CCDC3: variants seen among roughly 807,000 people sequenced by gnomAD.
The protein encoded by CCDC3 is coiled-coil domain containing 3.
Under a neutral mutation model 21.4 loss-of-function variants are expected in CCDC3, and 24 were observed. The observed-to-expected ratio is 1.12, with a 90% CI of 0.81 to 1.58. CCDC3 has a LOEUF of 1.58. CCDC3 is among the 40% of genes most tolerant of loss of function. The pLI is 0.00. For missense variants in CCDC3, 425 were observed against 360.9 expected (o/e 1.18, Z -1.44); for synonymous variants, 186 against 166.0 (o/e 1.12, Z -0.93).
At chr10:13,028,787 G>C (rs1023421395) in intron 5 of CCDC3, among the ~76,000 whole-genome samples, 3 of 152,100 alleles carry the variant, frequency 2.0e-5, no homozygotes, top group Non-Finnish European at 4.4e-5. Flanking sequence ...ACATGCAAAG[G>C]GTTCCATCTC....
intron 5 of CCDC3, among the ~76,000 whole-genome samples, chr10:13,037,908 T>C (rs1403536125): frequency 1.6e-4 from 24 of 152,152 alleles, no homozygotes; most frequent in Admixed American, 1.6e-3. Context: ...TACACTTCCC[T>C]ACTCCTCTGC....
At chr10:12,984,849 G>A (rs759118915) in intron 2 of CCDC3, among the ~76,000 whole-genome samples, 4 of 152,168 alleles carry the variant, frequency 2.6e-5, no homozygotes, top group African/African-American at 4.8e-5. Context: ...GTCCAGAGTA[G>A]GCAAAGCCAT....
intron 2 of CCDC3, among the ~76,000 whole-genome samples, chr10:12,962,798 A>G (rs536887419): frequency 2.6e-5 from 4 of 152,332 alleles, no homozygotes; most frequent in Non-Finnish European, 5.9e-5. Flanking sequence ...ACACAAGAGT[A>G]AAGTTTTTCC....
chr10:13,085,721 C>G (rs540769137), intron 3 of CCDC3, among the ~76,000 whole-genome samples: 3 of 152,300 alleles, frequency 2.0e-5, no homozygotes, highest in African/African-American at 7.2e-5. Context: ...AATCCCAGCA[C>G]TTTGGGAGGC....
chr10:13,033,926 C>T (rs1439036772), intron 5 of CCDC3, among the ~76,000 whole-genome samples: 1 of 152,198 alleles, frequency 6.6e-6, no homozygotes, highest in African/African-American at 2.4e-5. Flanking sequence ...CTGTGGAAGA[C>T]AGTGTGGCTA....
intron 5 of CCDC3, among the ~76,000 whole-genome samples, chr10:13,026,209 A>G (rs1836213594): frequency 1.3e-5 from 2 of 152,148 alleles, no homozygotes; most frequent in South Asian, 2.1e-4. Context: ...TAATTTAAAA[A>G]ATAAAAAACT....
intron 3 of CCDC3, among the ~76,000 whole-genome samples, chr10:13,097,296 C>T (rs188631672): frequency 1.6e-3 from 237 of 152,322 alleles, no homozygotes; most frequent in Middle Eastern, 3.4e-3. Context: ...GGCTAAGAAA[C>T]AGAACCGGCT....
At chr10:13,094,381 C>T (rs781175191) in intron 3 of CCDC3, among the ~76,000 whole-genome samples, 1 of 151,952 alleles carries the variant, frequency 6.6e-6, no homozygotes, top group Non-Finnish European at 1.5e-5. Flanking sequence ...ACCTCAGCCT[C>T]TAGTAGCTGG....
chr10:12,960,205 C>T (rs1835160804), intron 2 of CCDC3, among the ~76,000 whole-genome samples: 1 of 133,136 alleles, frequency 7.5e-6, no homozygotes, highest in Non-Finnish European at 1.6e-5. Flanking sequence ...GTTTTCTCAG[C>T]ATAACTGTAC....
intron 3 of CCDC3, among the ~76,000 whole-genome samples, chr10:13,096,131 CTT>C (rs375908358): frequency 9.9e-5 from 15 of 150,758 alleles, no homozygotes; most frequent in African/African-American, 1.5e-4. Flanking sequence ...TCCCTCCTTC[CTT>C]TCTCTCTCTA....
intron 4 of CCDC3, chr10:13,058,211 C>T (rs1836707428): frequency 7.8e-7 from 1 of 1,274,054 alleles, no homozygotes; most frequent in South Asian, 1.2e-5. Context: ...AACTTGATTG[C>T]CAGCGGTAGT....
chr10:12,986,503 A>G (rs770195211), intron 2 of CCDC3, among the ~76,000 whole-genome samples: 10 of 152,310 alleles, frequency 6.6e-5, no homozygotes, highest in Admixed American at 1.3e-4. Flanking sequence ...GGCCGGGCAC[A>G]GTGGTTCACG....
intron 2 of CCDC3, among the ~76,000 whole-genome samples, chr10:12,903,848 G>A (rs1834129346): frequency 7.4e-5 from 3 of 40,324 alleles, no homozygotes; most frequent in African/African-American, 1.6e-4. Flanking sequence ...CACACTGATT[G>A]TAGAAAAAAC....
intron 2 of CCDC3, among the ~76,000 whole-genome samples, chr10:12,931,204 C>T (rs2131227354): frequency 1.3e-5 from 1 of 76,106 alleles, no homozygotes; most frequent in African/African-American, 6.5e-5. Context: ...GAGCAAGACT[C>T]TGTCAAAAAA....
intron 5 of CCDC3, among the ~76,000 whole-genome samples, chr10:13,025,569 C>G (rs1305243269): frequency 1.3e-5 from 2 of 152,178 alleles, no homozygotes; most frequent in African/African-American, 4.8e-5. Flanking sequence ...CAAAAAATCA[C>G]TTTTATAAAT....
At chr10:12,921,068 ATAT>A (rs1834443873) in intron 2 of CCDC3, among the ~76,000 whole-genome samples, 1 of 152,224 alleles carries the variant, frequency 6.6e-6, no homozygotes, top group Non-Finnish European at 1.5e-5. Context: ...GGCAAGCTAC[ATAT>A]TATGATATTT....
intron 5 of CCDC3, among the ~76,000 whole-genome samples, chr10:13,007,823 T>C (rs1835942278): frequency 6.6e-6 from 1 of 152,232 alleles, no homozygotes. Flanking sequence ...TCTTCTTCTT[T>C]CTTCTTCTCT....
chr10:12,899,489 C>G (rs558354770), intron 2 of CCDC3, among the ~76,000 whole-genome samples: 6 of 152,242 alleles, frequency 3.9e-5, no homozygotes, highest in Admixed American at 2.0e-4. Context: ...TATGTGCAAG[C>G]TGCCACATGT....
intron 2 of CCDC3, among the ~76,000 whole-genome samples, chr10:12,986,635 G>A (rs550265288): frequency 5.3e-4 from 80 of 152,136 alleles, no homozygotes; most frequent in Non-Finnish European, 9.6e-4. Flanking sequence ...TTAGCTGGGC[G>A]TGGTGGCGGA....
Sources: gnomAD v4.1 joint callset for allele counts (sites outside exome capture counted in the v4.1 genomes callset) on GRCh38, gnomAD v4.1.1 for gene constraint, MANE v1.5 for transcripts, NCBI Gene and HGNC (gene_info 2026-07-23, HGNC 2026-07-21) for gene names.